PDE7B: variants seen among roughly 807,000 people sequenced by gnomAD.
PDE7B encodes phosphodiesterase 7B, also known as 3',5'-cyclic-AMP phosphodiesterase 7B.
In PDE7B, 29 loss-of-function variants were observed where a neutral mutation model predicts 56.2. The ratio of observed to expected loss-of-function variants is 0.52; its 90% CI spans 0.38 to 0.70. The LOEUF is 0.70. Among genes scored for constraint, PDE7B ranks in the 30% least tolerant of loss-of-function variants. PDE7B has a pLI of 0.00. For missense variants in PDE7B, 490 were observed against 565.0 expected (o/e 0.87, Z 1.35); for synonymous variants, 197 against 196.9 (o/e 1.00, Z 0.00).
chr6:135,916,517 C>T (rs965995837), intron 1 of PDE7B, among the ~76,000 whole-genome samples: 9 of 151,132 alleles, frequency 6.0e-5, no homozygotes, highest in Non-Finnish European at 1.0e-4. Flanking sequence ...CTCAGCCTCC[C>T]GAGTAGCTGG....
intron 2 of PDE7B, among the ~76,000 whole-genome samples, chr6:136,005,029 G>C (rs1333683952): frequency 3.9e-5 from 6 of 152,210 alleles, no homozygotes; most frequent in Admixed American, 1.3e-4. Flanking sequence ...GAACAGAACA[G>C]AGCTCTCAGA....
At chr6:136,109,520 T>C (rs1777709058) in intron 3 of PDE7B, among the ~76,000 whole-genome samples, 2 of 152,192 alleles carry the variant, frequency 1.3e-5, no homozygotes, top group South Asian at 4.1e-4. Context: ...TGTTATGGAA[T>C]TCTCACTTCT....
chr6:136,092,173 A>G (rs1008369881), intron 2 of PDE7B, among the ~76,000 whole-genome samples: 1 of 152,246 alleles, frequency 6.6e-6, no homozygotes, highest in African/African-American at 2.4e-5. Context: ...TTGACTAAGA[A>G]TGGACATTGC....
Position 136,108,848 on chromosome 6 carries a change from C to T in PDE7B, c.166+34C>T, listed in dbSNP as rs752088235. 2.4e-5 allele frequency: 31 copies of T among 1,271,914 alleles called. No homozygotes were observed. In the South Asian group the frequency reaches 2.9e-4, roughly 12 times the overall value. 78.8% of individuals were successfully genotyped at this position (1,271,914 alleles called of 1,614,324 possible). ...TCAAGTGTACCTGGAAAGGAACAAA[C>T]GTTTTCTTCAAAAAGAAAAAAAAAA... On this transcript the variant is annotated intron_variant, in intron 3 of 12. Coordinates refer to ENST00000308191, the MANE Select transcript of PDE7B (RefSeq NM_018945.4).
intron 2 of PDE7B, among the ~76,000 whole-genome samples, chr6:135,975,550 T>A (rs1381690878): frequency 1.4e-5 from 2 of 143,984 alleles, no homozygotes; most frequent in Non-Finnish European, 2.9e-5. Flanking sequence ...CAAGAATGTG[T>A]GCATATTTGG....
chr6:135,986,118 T>C (rs185648873), intron 2 of PDE7B, among the ~76,000 whole-genome samples: 1 of 152,320 alleles, frequency 6.6e-6, no homozygotes, highest in East Asian at 1.9e-4. Flanking sequence ...ACTAGAACTA[T>C]CACATTACTG....
At chr6:136,106,427 G>A (rs1451857700) in intron 2 of PDE7B, among the ~76,000 whole-genome samples, 1 of 152,072 alleles carries the variant, frequency 6.6e-6, no homozygotes, top group Non-Finnish European at 1.5e-5. Context: ...GAAAACAACG[G>A]TATTGTAGAA....
At chr6:136,171,405 C>T (rs569468904) in intron 8 of PDE7B, among the ~76,000 whole-genome samples, 1 of 152,124 alleles carries the variant, frequency 6.6e-6, no homozygotes, top group Non-Finnish European at 1.5e-5. Flanking sequence ...TACCACAAGC[C>T]TATCAAATCA....
intron 1 of PDE7B, among the ~76,000 whole-genome samples, chr6:135,876,245 G>A (rs1411140411): frequency 6.6e-6 from 1 of 152,154 alleles, no homozygotes; most frequent in Non-Finnish European, 1.5e-5. Flanking sequence ...CACAGAAGTG[G>A]AGCAGTCTGG....
At chr6:136,008,753 G>GGT (rs1775834177) in intron 2 of PDE7B, among the ~76,000 whole-genome samples, 1 of 152,098 alleles carries the variant, frequency 6.6e-6, no homozygotes, top group African/African-American at 2.4e-5. Context: ...CAGATGAGTA[G>GGT]ATTGCAAAAA....
chr6:135,939,509 C>G (rs928720120), intron 1 of PDE7B, among the ~76,000 whole-genome samples: 1 of 152,166 alleles, frequency 6.6e-6, no homozygotes, highest in Non-Finnish European at 1.5e-5. Flanking sequence ...TGAGCTCGAG[C>G]TGAAATCAGC....
At chr6:136,016,971 A>G (rs897179222) in intron 2 of PDE7B, among the ~76,000 whole-genome samples, 1 of 152,222 alleles carries the variant, frequency 6.6e-6, no homozygotes, top group East Asian at 1.9e-4. Flanking sequence ...GAAGGTAGGG[A>G]CAGTTGCTAC....
chr6:136,048,004 A>G (rs1318210456), intron 2 of PDE7B, among the ~76,000 whole-genome samples: 2 of 152,220 alleles, frequency 1.3e-5, no homozygotes, highest in East Asian at 1.9e-4. Flanking sequence ...CATGTGCCAC[A>G]TAGTTTCTTC....
chr6:136,025,064 G>C (rs1776129232), intron 2 of PDE7B, among the ~76,000 whole-genome samples: 1 of 152,106 alleles, frequency 6.6e-6, no homozygotes, highest in African/African-American at 2.4e-5. Flanking sequence ...CCAGAATATG[G>C]TTTAGGTCAA....
At chr6:136,156,294 A>G (rs563627449) in intron 8 of PDE7B, among the ~76,000 whole-genome samples, 7 of 151,820 alleles carry the variant, frequency 4.6e-5, no homozygotes, top group Admixed American at 1.3e-4. Flanking sequence ...AGCTCAAACA[A>G]TCCCTCCACC....
intron 1 of PDE7B, among the ~76,000 whole-genome samples, chr6:135,930,023 G>C (rs940370646): frequency 5.9e-5 from 9 of 152,170 alleles, no homozygotes; most frequent in African/African-American, 2.2e-4. Flanking sequence ...AGAGTAGTCA[G>C]GTGTATTAGT....
chr6:135,950,389 A>G (rs2018448), intron 2 of PDE7B, among the ~76,000 whole-genome samples: 54,627 of 152,044 alleles, frequency 0.36, 10,174 homozygotes, highest in Admixed American at 0.5. Context: ...CTCACACAAG[A>G]AAGTATAAGG....
chr6:136,031,738 C>CAAAA (rs36015213), intron 2 of PDE7B, among the ~76,000 whole-genome samples: 26 of 109,968 alleles, frequency 2.4e-4, no homozygotes, highest in Admixed American at 6.0e-4. Context: ...GACTCCGTCT[C>CAAAA]AAAAAAAAAA....
rs556037164 is a variant in PDE7B at position 136,062,646 on chromosome 6, A to G, written c.83-46085A>G. Among the ~76,000 whole-genome samples, 10 of 152,290 alleles carry G rather than the reference A, an allele frequency of 6.6e-5. No individual in the cohort carries two copies. The South Asian group carries it at 1.5e-3, about 22-fold the overall frequency. On this transcript the variant is annotated intron_variant, in intron 2 of 12. Transcript: ENST00000308191. ...ATCACTGAGGTACCAAGTAAACAAGATGGAAGAAGATCATTACAGGCACGA... is the reference window on the plus strand; with the variant it reads ...ATCACTGAGGTACCAAGTAAACAAGGTGGAAGAAGATCATTACAGGCACGA...
Sources: gnomAD v4.1 joint callset for allele counts (sites outside exome capture counted in the v4.1 genomes callset) on GRCh38, gnomAD v4.1.1 for gene constraint, MANE v1.5 for transcripts, NCBI Gene and HGNC (gene_info 2026-07-23, HGNC 2026-07-21) for gene names.